ROBO2: variants seen among roughly 807,000 people sequenced by gnomAD.
The protein encoded by ROBO2 is roundabout guidance receptor 2, also known as roundabout homolog 2.
ROBO2 carries 53 observed loss-of-function variants against 160.8 expected under a neutral mutation model. The ratio of observed to expected loss-of-function variants is 0.33; its 90% CI spans 0.26 to 0.41. ROBO2 has a LOEUF of 0.41. ROBO2 is among the 10% of genes least tolerant of loss of function. The pLI is 1.00. For synonymous variants in ROBO2, 664 were observed against 611.7 expected (o/e 1.09, Z -1.26); for missense variants, 1,577 against 1,722.4 (o/e 0.92, Z 1.49).
At chr3:76,969,180 T>G (rs2059449630) in intron 2 of ROBO2, among the ~76,000 whole-genome samples, 1 of 152,214 alleles carries the variant, frequency 6.6e-6, no homozygotes, top group South Asian at 2.1e-4. Flanking sequence ...GGCAGAAAAT[T>G]TCACCTTATC....
chr3:77,034,990 G>T (rs1260086597), upstream of ROBO2, among the ~76,000 whole-genome samples: 1 of 151,810 alleles, frequency 6.6e-6, no homozygotes, highest in Non-Finnish European at 1.5e-5. Context: ...AACAAGAAAT[G>T]ATAAAATAAT....
chr3:76,203,403 C>G (rs1334333814), intron 2 of ROBO2, among the ~76,000 whole-genome samples: 1 of 151,664 alleles, frequency 6.6e-6, no homozygotes, highest in East Asian at 1.9e-4. Context: ...AGTGAGATTG[C>G]CTCAGGCTCT....
intron 2 of ROBO2, among the ~76,000 whole-genome samples, chr3:77,302,033 G>A (rs2062705528): frequency 6.6e-6 from 1 of 152,040 alleles, no homozygotes; most frequent in Non-Finnish European, 1.5e-5. Flanking sequence ...CTCCCAAGTA[G>A]CTGGGACTAC....
chr3:76,774,655 A>T (rs3911545), intron 2 of ROBO2, among the ~76,000 whole-genome samples: 47,501 of 150,540 alleles, frequency 0.32, 9,204 homozygotes, highest in Non-Finnish European at 0.43. Context: ...AAGACTAGAG[A>T]CAGATAGGAA....
chr3:77,592,410 A>G (rs2094201905), intron 17 of ROBO2, among the ~76,000 whole-genome samples: 1 of 152,296 alleles, frequency 6.6e-6, no homozygotes, highest in South Asian at 2.1e-4. Flanking sequence ...ATGCTTAATA[A>G]GAAATATTTT....
chr3:76,459,451 C>A (rs983307804), intron 2 of ROBO2, among the ~76,000 whole-genome samples: 3 of 152,056 alleles, frequency 2.0e-5, no homozygotes, highest in Admixed American at 6.6e-5. Flanking sequence ...TTTAAAAGTA[C>A]CTTTTTTATA....
intron 2 of ROBO2, among the ~76,000 whole-genome samples, chr3:76,089,484 C>A (rs2069141469): frequency 6.6e-6 from 1 of 152,060 alleles, no homozygotes; most frequent in South Asian, 2.1e-4. Flanking sequence ...TTATACACCA[C>A]AACCAAATTA....
At chr3:77,137,527 T>A (rs1007390282) in intron 2 of ROBO2, among the ~76,000 whole-genome samples, 1 of 152,218 alleles carries the variant, frequency 6.6e-6, no homozygotes, top group East Asian at 1.9e-4. Context: ...CCCCCGGCCG[T>A]ATATATAACA....
At chr3:77,352,240 A>AT (rs2068456417) in intron 2 of ROBO2, among the ~76,000 whole-genome samples, 1 of 150,950 alleles carries the variant, frequency 6.6e-6, no homozygotes, top group Non-Finnish European at 1.5e-5. Context: ...TTTCTGAAAA[A>AT]AAAATAAAAA....
chr3:77,153,176 C>A (rs2077686492), intron 2 of ROBO2, among the ~76,000 whole-genome samples: 1 of 152,076 alleles, frequency 6.6e-6, no homozygotes, highest in Admixed American at 6.6e-5. Flanking sequence ...TGTGTTAAAT[C>A]TCCTTTAAAC....
chr3:76,817,287 A>G (rs1576817134), intron 2 of ROBO2, among the ~76,000 whole-genome samples: 2 of 152,052 alleles, frequency 1.3e-5, no homozygotes, highest in East Asian at 3.9e-4. Flanking sequence ...AAAGAATGGG[A>G]TGCTATATTA....
intron 2 of ROBO2, among the ~76,000 whole-genome samples, chr3:76,039,446 T>C (rs896670539): frequency 6.6e-6 from 1 of 152,022 alleles, no homozygotes; most frequent in Non-Finnish European, 1.5e-5. Context: ...TAAATGGCCA[T>C]GCATTTTGGG....
intron 2 of ROBO2, among the ~76,000 whole-genome samples, chr3:76,847,952 T>C (rs989535952): frequency 7.2e-5 from 11 of 152,242 alleles, no homozygotes; most frequent in African/African-American, 1.9e-4. Flanking sequence ...AATTATTTCA[T>C]TGATAAAAAT....
intron 2 of ROBO2, among the ~76,000 whole-genome samples, chr3:76,414,810 A>G (rs1302711150): frequency 3.3e-5 from 5 of 152,160 alleles, no homozygotes; most frequent in Non-Finnish European, 5.9e-5. Flanking sequence ...CTAGAAGGTC[A>G]TGGGAAAACA....
chr3:76,367,721 A>G (rs1325356265), intron 2 of ROBO2, among the ~76,000 whole-genome samples: 1 of 152,016 alleles, frequency 6.6e-6, no homozygotes. Context: ...TTGAAAATAA[A>G]GCCTCTTACC....
intron 2 of ROBO2, among the ~76,000 whole-genome samples, chr3:76,273,503 T>C (rs893184322): frequency 6.6e-6 from 1 of 152,088 alleles, no homozygotes; most frequent in African/African-American, 2.4e-5. Context: ...CAGTTCTTCA[T>C]GGCTGGGGAG....
chr3:77,181,171 G>A (rs751387386), intron 2 of ROBO2, among the ~76,000 whole-genome samples: 1 of 152,092 alleles, frequency 6.6e-6, no homozygotes, highest in Non-Finnish European at 1.5e-5. Flanking sequence ...AATGCCCAAG[G>A]TAGACTGCAA....
chr3:76,918,565 T>C (rs1042428411), intron 2 of ROBO2, among the ~76,000 whole-genome samples: 3 of 152,236 alleles, frequency 2.0e-5, no homozygotes, highest in Non-Finnish European at 4.4e-5. Flanking sequence ...TTTAGTGTCA[T>C]AATTTTATGT....
At chr3:77,524,800 T>C (rs2090970586) in intron 6 of ROBO2, among the ~76,000 whole-genome samples, 1 of 151,102 alleles carries the variant, frequency 6.6e-6, no homozygotes, top group East Asian at 2.0e-4. Context: ...TTTTTTTTTC[T>C]TAAATCAGCA....
Sources: allele counts gnomAD v4.1 joint callset (sites outside exome capture counted in the v4.1 genomes callset), GRCh38; gene constraint gnomAD v4.1.1; transcripts MANE v1.5; gene names NCBI Gene and HGNC (gene_info 2026-07-23, HGNC 2026-07-21).